Variants in PRKCZ observed in about 807,000 individuals in gnomAD.
PRKCZ encodes the protein protein kinase C zeta.
In PRKCZ, 33 loss-of-function variants were observed where a neutral mutation model predicts 79.5. The observed-to-expected ratio is 0.41, with a 90% confidence interval of 0.31 to 0.55. The LOEUF (loss-of-function observed/expected upper bound fraction) is 0.55, where lower values mean the gene tolerates loss of function less well. Among genes scored for constraint, PRKCZ ranks in the 20% least tolerant of loss-of-function variants. The probability of loss-of-function intolerance (pLI) is 0.19; values close to 1 mark genes in which losing one functional copy is unlikely to be tolerated. For synonymous variants in PRKCZ, 342 were observed against 320.9 expected (o/e 1.07, Z -0.70); for missense variants, 578 against 813.5 (o/e 0.71, Z 3.52).
Position 2,165,783 on chromosome 1 carries a change from T to C in PRKCZ, c.975-3735T>C. Among the ~76,000 whole-genome samples, 1 of 152,114 alleles carries C rather than the reference T, an allele frequency of 6.6e-6. No homozygotes were observed. Among genetic ancestry groups the C allele is most frequent in the South Asian group, 2.1e-4 (1 of 4,830 alleles). On this transcript the variant is annotated intron_variant, in intron 10 of 17. Transcript: ENST00000378567. This position sits in a 1 kb window ranked among gnomAD's most constrained non-coding sequence, Gnocchi z 4.1. ...CTCCTGTGCCTCCAGGAGAGGGCTG[T>C]GGTTCCTCCCTCTGAGCCGGGCACC...
At position 2,171,943 on chromosome 1, in the gene PRKCZ, G is replaced by A. The variant is rs1042222333; in HGVS notation, c.1062-112G>A. ...TTCAAATCCTGGGCCTGGTCATTGA[G>A]AGGATGCCGGGCCCGTGGTGGGGCA... On this transcript the variant is annotated intron_variant, in intron 11 of 17. Transcript: ENST00000378567. 15 of 1,320,220 alleles carry A rather than the reference G, an allele frequency of 1.1e-5. No homozygotes were observed. The South Asian group carries it at 2.2e-4, about 20-fold the overall frequency. The allele number at this position is 1,320,220 out of a possible 1,614,324, so 81.8% of individuals were successfully genotyped here.
chr1:2,091,534 G>A (rs1019556539), intron 4 of PRKCZ, among the ~76,000 whole-genome samples: 8 of 152,018 alleles, frequency 5.3e-5, no homozygotes, highest in Non-Finnish European at 8.8e-5. Context: ...TGACACTCCC[G>A]ACTTTCTGTT....
At chr1:2,144,367 G>C in intron 6 of PRKCZ, 26 bp downstream of exon 6, 2 of 1,554,162 alleles carry the variant, frequency 1.3e-6, no homozygotes, top group Non-Finnish European at 8.7e-7. Flanking sequence ...GGGGAGGCCC[G>C]GGGGGCACGG....
At chr1:2,113,692 A>G (rs1466818962) in intron 4 of PRKCZ, among the ~76,000 whole-genome samples, 1 of 152,178 alleles carries the variant, frequency 6.6e-6, no homozygotes, top group Non-Finnish European at 1.5e-5. Context: ...TCTGAGAGCC[A>G]ATGGCAGCCT....
chr1:2,071,423 G>A (rs566269658), intron 4 of PRKCZ: 127 of 376,668 alleles, frequency 3.4e-4, no homozygotes, highest in African/African-American at 2.6e-3. Flanking sequence ...GACGCTGCTG[G>A]TGTCCTCCAG....
At chr1:2,132,681 A>C (rs924060066) in intron 4 of PRKCZ, among the ~76,000 whole-genome samples, 2 of 152,176 alleles carry the variant, frequency 1.3e-5, no homozygotes, top group Non-Finnish European at 1.5e-5. Context: ...CAGCATCCCT[A>C]GCCACGGGCC....
intron 16 of PRKCZ, among the ~76,000 whole-genome samples, chr1:2,180,880 G>T (rs1242157799): frequency 6.6e-6 from 1 of 152,140 alleles, no homozygotes; most frequent in Non-Finnish European, 1.5e-5. Flanking sequence ...GTGCAGGGTG[G>T]TCTCAGGGAC....
At chr1:2,073,809 CGG>C (rs1413131622) in intron 4 of PRKCZ, 1 of 1,031,216 alleles carries the variant, frequency 9.7e-7, no homozygotes, top group Non-Finnish European at 1.2e-6. Flanking sequence ...TGCCTATTGT[CGG>C]GGCCGGAGGC....
At chr1:2,156,208 C>T (rs538430993) in intron 10 of PRKCZ, 116 bp downstream of exon 10, 13 of 964,954 alleles carry the variant, frequency 1.3e-5, no homozygotes, top group Middle Eastern at 4.4e-4. Context: ...AGTTGCTGTA[C>T]GGGTGTTTTC....
At chr1:2,086,193 C>G (rs1664492219) in intron 4 of PRKCZ, among the ~76,000 whole-genome samples, 1 of 151,958 alleles carries the variant, frequency 6.6e-6, no homozygotes, top group South Asian at 2.1e-4. Context: ...TCCCAAGTAG[C>G]TGGGACTACA....
chr1:2,108,699 T>C (rs1424878022), intron 4 of PRKCZ, among the ~76,000 whole-genome samples: 1 of 152,218 alleles, frequency 6.6e-6, no homozygotes, highest in Admixed American at 6.5e-5. Context: ...TGAGCGAGGC[T>C]GTCTGATGTG....
At chr1:2,078,628 G>T (rs1021415500) in intron 4 of PRKCZ, among the ~76,000 whole-genome samples, 17 of 152,240 alleles carry the variant, frequency 1.1e-4, no homozygotes, top group Non-Finnish European at 2.9e-5. Context: ...TCACATGGCC[G>T]ACTCCCCGTC....
At chr1:2,051,220 G>A (rs1659614397) in intron 1 of PRKCZ, among the ~76,000 whole-genome samples, 1 of 151,576 alleles carries the variant, frequency 6.6e-6, no homozygotes, top group South Asian at 2.1e-4. Context: ...TGGAGGAGAC[G>A]GTGGGGCCGA....
intron 4 of PRKCZ, among the ~76,000 whole-genome samples, chr1:2,129,461 G>A (rs1674547214): frequency 6.6e-6 from 1 of 152,086 alleles, no homozygotes; most frequent in South Asian, 2.1e-4. Flanking sequence ...TGACACGTGG[G>A]CTCCTGGAAG....
At position 2,075,017 on chromosome 1, in the gene PRKCZ, G is replaced by T; in HGVS notation, c.334+15426G>T. The T allele has an allele frequency of 6.6e-6, 1 of 152,372 alleles. No homozygotes were observed. Among genetic ancestry groups the T allele is most frequent in the Admixed American group, 6.5e-5 (1 of 15,312 alleles). 9.4% of individuals were successfully genotyped at this position (152,372 alleles called of 1,614,324 possible). On this transcript the variant is annotated intron_variant, in intron 4 of 17. Transcript: ENST00000378567. The surrounding 1 kb of genome is among the most constrained non-coding windows in gnomAD (Gnocchi z 4.8). ...CTCGGGGGGTGCTGGCTGCTGGGGAGGCTGGCAGCGCGCCCCTCCCCCAGG... is the reference window on the plus strand; with the variant it reads ...CTCGGGGGGTGCTGGCTGCTGGGGATGCTGGCAGCGCGCCCCTCCCCCAGG...
intron 4 of PRKCZ, among the ~76,000 whole-genome samples, chr1:2,068,196 G>C (rs564504334): frequency 6.6e-6 from 1 of 152,242 alleles, no homozygotes; most frequent in African/African-American, 2.4e-5. Context: ...CCCTGGTAAC[G>C]GGAGAGCATC....
chr1:2,059,477 T>G (rs901922220), intron 3 of PRKCZ, 64 bp from the exon 4 acceptor site: 6 of 1,590,420 alleles, frequency 3.8e-6, no homozygotes, highest in Non-Finnish European at 5.2e-6. Flanking sequence ...CGGGACTTCC[T>G]CCGTGAGACT....
chr1:2,107,424 G>T lies in PRKCZ; in HGVS notation c.335-27838G>T, dbSNP rs6676569. Among the ~76,000 whole-genome samples the T allele has an allele frequency of 1.2e-3, 176 of 152,354 alleles. 1 individual carries two copies. Among genetic ancestry groups the T allele is most frequent in the Admixed American group, 2.7e-3 (42 of 15,310 alleles). On this transcript the variant is annotated intron_variant, in intron 4 of 17. Coordinates refer to ENST00000378567, the MANE Select transcript of PRKCZ (RefSeq NM_002744.6). ...CACGGCCGCACACACTCCCGTGCCC[G>T]TTGGGCTGGGCTGACTGATGCATGT...
intron 9 of PRKCZ, among the ~76,000 whole-genome samples, chr1:2,155,678 G>A (rs1680882316): frequency 6.6e-6 from 1 of 151,530 alleles, no homozygotes; most frequent in Admixed American, 6.6e-5. Context: ...GGTGGAGGTG[G>A]GAGGGATGGT....
Sources: allele counts gnomAD v4.1 joint callset (sites outside exome capture counted in the v4.1 genomes callset), GRCh38; gene constraint gnomAD v4.1.1; non-coding constraint Gnocchi (gnomAD v3.1); transcripts MANE v1.5; gene names NCBI Gene and HGNC (gene_info 2026-07-23, HGNC 2026-07-21).